SLC6A12: variants seen among roughly 807,000 people sequenced by gnomAD.
SLC6A12 encodes sodium- and chloride-dependent betaine transporter.
A neutral mutation model predicts 73.3 loss-of-function variants in SLC6A12; 50 were observed. The ratio of observed to expected loss-of-function variants is 0.68; its 90% CI spans 0.54 to 0.86. The LOEUF (loss-of-function observed/expected upper bound fraction) is 0.86. Among genes scored for constraint, SLC6A12 ranks in the 40% least tolerant of loss-of-function variants. The pLI is 0.00. For missense variants in SLC6A12, 648 were observed against 772.8 expected, an observed-to-expected ratio of 0.84 and a Z score of 1.92; for synonymous variants, 304 against 309.2, an observed-to-expected ratio of 0.98 and a Z score of 0.18.
At chr12:191,360 T>A in intron 15 of SLC6A12, 149 bp from the exon 16 acceptor site, 1 of 610,794 alleles carries the variant, frequency 1.6e-6, no homozygotes, top group Non-Finnish European at 2.4e-6. Flanking sequence ...CCGTTTGAGG[T>A]GAGAAGGGAG....
At chr12:203,364 T>C (rs1015447906) in intron 4 of SLC6A12, 1 of 152,558 alleles carries the variant, frequency 6.6e-6, no homozygotes, top group African/African-American at 2.4e-5. Flanking sequence ...ACTGTGGACC[T>C]TTCAGAACAG....
At chr12:200,939 C>T (rs1359270815) in intron 6 of SLC6A12, among the ~76,000 whole-genome samples, 156 bp from the exon 7 acceptor site, 1 of 152,326 alleles carries the variant, frequency 6.6e-6, no homozygotes, top group East Asian at 1.9e-4. Flanking sequence ...GCCATGTTCC[C>T]GTAGACCAAA....
downstream of SLC6A12, among the ~76,000 whole-genome samples, chr12:186,054 T>G (rs1484681951): frequency 6.6e-6 from 1 of 152,018 alleles, no homozygotes; most frequent in Non-Finnish European, 1.5e-5. Flanking sequence ...AAGGACAGGG[T>G]GAGCCCAGGG....
chr12:197,950 C>T lies in SLC6A12; in HGVS notation c.900G>A (p.Gly300=), dbSNP rs748775870. ...TGTAGCTGCCCAGGGCTGTCAGGCA[C>T]CCCTGGCAGATGGCAAAGGAGAAGA... ...QIFFSFAICQ[G]CLTALGSYNK... is the part of the protein sequence containing the mutation. Residue 300 remains glycine, a synonymous_variant, in exon 9 of 16, where the codon GGG becomes GGA. Coordinates refer to ENST00000684302, the MANE Select transcript of SLC6A12 (RefSeq NM_001122848.3). 20 of 1,613,418 alleles carry T rather than the reference C, an allele frequency of 1.2e-5. No individual in the cohort carries two copies. In the South Asian group the frequency reaches 2.0e-4, roughly 16 times the overall value.
chr12:193,278 A>C lies in SLC6A12; in HGVS notation c.1529T>G (p.Leu510Arg). ...SWLFLTPGLC[L>R]ATFLFSLSKY... ...GAGGGGCAGCTGGTGGGCACATACC[A>C]GGCAAAGTCCAGGGGTCAGGAAGAG... is the stretch of plus-strand genomic sequence containing the variant. The change falls in exon 14 of 16, where the codon CTG becomes CGG. Residue 510 changes from leucine (L) to arginine (R), a missense_variant and splice_region_variant. Coordinates refer to ENST00000684302, the MANE Select transcript of SLC6A12 (RefSeq NM_001122848.3). The C allele has an allele frequency of 6.2e-7, 1 of 1,610,494 alleles. No homozygotes were observed. The highest frequency in any genetic ancestry group is 8.5e-7 in the Non-Finnish European group (1 of 1,176,738).
rs189816529 is a variant in SLC6A12, at chr12:200,227, G to C, written c.711+424C>G. ...GGGTTCACGCCATTCTCCTGCCTCA[G>C]CCTCCTGCATAGCTGGGACTACAGG... On this transcript the variant is annotated intron_variant, in intron 7 of 15. Coordinates refer to ENST00000684302, the MANE Select transcript of SLC6A12 (RefSeq NM_001122848.3). Among the ~76,000 whole-genome samples, 75 of 148,362 alleles carry C rather than the reference G, an allele frequency of 5.1e-4. No individual in the cohort carries two copies. The East Asian group carries it at 0.015, about 29-fold the overall frequency.
rs773911998 is a variant in SLC6A12 at position 209,756 on chromosome 12, C to T, written c.214+17G>A. On this transcript the variant is annotated intron_variant, in intron 3 of 15. Transcript: ENST00000684302. ...CACACAGCTCTCCCCACCATGCCTA[C>T]CTCAAAGTGAACTCACCACCTCCGT... is the stretch of plus-strand genomic sequence containing the variant. 2 of 1,614,170 alleles carry T rather than the reference C, an allele frequency of 1.2e-6. No homozygotes were observed. Among genetic ancestry groups the T allele is most frequent in the Non-Finnish European group, 1.7e-6 (2 of 1,180,008 alleles).
At position 192,525 on chromosome 12, in the gene SLC6A12, G is replaced by A; in HGVS notation, c.1654C>T (p.Leu552Phe). Residue 552 changes from leucine to phenylalanine, a missense_variant, in exon 15 of 16, where the codon CTC becomes TTC. Leu to Phe is a conservative substitution (Grantham distance 22). Transcript: ENST00000684302. ...LALSSMVCVP[L>F]FVVITLLKTR... is the part of the protein sequence containing the mutation. The stretch of plus-strand genomic sequence containing the variant: ...TTCAGGAGGGTGATGACGACGAAGA[G>A]TGGGACACAGACCATGGAGGACAGA... 1 of 1,614,142 alleles carries A rather than the reference G, an allele frequency of 6.2e-7. No individual in the cohort carries two copies. The highest frequency in any genetic ancestry group is 2.2e-5 in the East Asian group (1 of 44,872).
At chr12:184,475 A>C in the SLC6A12 span, among the ~76,000 whole-genome samples, 6 of 152,086 alleles carry the variant, frequency 3.9e-5, 1 homozygote. Flanking sequence ...AAACACAAAA[A>C]TTCGGTGGTT....
In SLC6A12 at chr12:197,391, T is replaced by C. The variant is rs1939975610; in HGVS notation, c.1061A>G (p.Glu354Gly). 4.3e-6 allele frequency: 7 copies of C among 1,613,378 alleles called. No homozygotes were observed. Among genetic ancestry groups the C allele is most frequent in the Non-Finnish European group, 5.9e-6 (7 of 1,179,662 alleles). ...MSQEQGVPIS[E>G]VAESGPGLAF... ...GTGGCACCTACCTGACTCGGCCACT[T>C]CAGAAATGGGCACCCCTTGCTCTTG... is the stretch of plus-strand genomic sequence containing the variant. Residue 354 changes from glutamate to glycine, a missense_variant, in exon 10 of 16, where the codon GAA becomes GGA. Coordinates refer to ENST00000684302, the MANE Select transcript of SLC6A12 (RefSeq NM_001122848.3).
At chr12:212,341 G>A (rs960289731) in intron 1 of SLC6A12, among the ~76,000 whole-genome samples, 3 of 152,198 alleles carry the variant, frequency 2.0e-5, no homozygotes, top group African/African-American at 7.2e-5. Context: ...CAAGGGCTGG[G>A]AGAGTGGAGG....
In SLC6A12 at chr12:198,686, TG is replaced by T; in HGVS notation, c.846+110del. Reference sequence around the variant, plus strand: ...TCCATATTTTCTAATTTATCTCCAGTGGGCATTTATTGCTTTTAAACCAAGG... The same window carrying T: ...TCCATATTTTCTAATTTATCTCCAGTGGCATTTATTGCTTTTAAACCAAGG... On this transcript the variant is annotated intron_variant, in intron 8 of 15. Coordinates refer to ENST00000684302, the MANE Select transcript of SLC6A12 (RefSeq NM_001122848.3). This position sits in a 1 kb window ranked among gnomAD's most constrained non-coding sequence, Gnocchi z 4.0. 1 of 816,098 alleles carries T rather than the reference TG, an allele frequency of 1.2e-6. No individual in the cohort carries two copies. Among genetic ancestry groups the T allele is most frequent in the Non-Finnish European group, 1.9e-6 (1 of 526,624 alleles). 50.6% of individuals were successfully genotyped at this position (816,098 alleles called of 1,614,324 possible). A position where few individuals can be genotyped will look rare whatever the true frequency, so the allele number is the denominator to read the frequency against.
intron 6 of SLC6A12, 149 bp from the exon 7 acceptor site, chr12:200,932 A>T (rs1243890803): frequency 2.8e-6 from 2 of 722,298 alleles, no homozygotes; most frequent in African/African-American, 3.6e-5. Context: ...CAGTCAGGCC[A>T]TGTTCCCGTA....
intron 11 of SLC6A12, 88 bp from the exon 12 acceptor site, chr12:196,349 C>A: frequency 2.0e-6 from 3 of 1,466,948 alleles, no homozygotes; most frequent in Non-Finnish European, 2.8e-6. Flanking sequence ...GGCTCATCCA[C>A]ACTGATGCAC....
At chr12:187,579 T>TGCAAAAGA (rs1464785564), downstream of SLC6A12, among the ~76,000 whole-genome samples, 687 of 92,882 alleles carry the variant, frequency 7.4e-3, 26 homozygotes, top group African/African-American at 0.03. Context: ...CAAGATTTAC[T>TGCAAAAGA]GCAAAAGAGC....
intron 6 of SLC6A12, 75 bp downstream of exon 6, chr12:201,687 C>G: frequency 8.4e-7 from 1 of 1,196,394 alleles, no homozygotes; most frequent in Admixed American, 1.7e-5. Context: ...AAACTTGCAC[C>G]CCAGACATTC....
intron 2 of SLC6A12, among the ~76,000 whole-genome samples, chr12:210,869 C>T (rs1357716280): frequency 2.0e-5 from 3 of 152,160 alleles, no homozygotes; most frequent in Non-Finnish European, 4.4e-5. Context: ...TCTCCCTGCC[C>T]TCCTAGAGAG....
In SLC6A12 at chr12:209,936, C is replaced by A. The variant is rs1940834639; in HGVS notation, c.51G>T (p.Trp17Cys). Residue 17 changes from tryptophan to cysteine, a missense_variant, in exon 3 of 16, where the codon TGG (tryptophan) becomes TGT (cysteine). Trp to Cys is a radical substitution (Grantham distance 215). Transcript: ENST00000684302. ...VQECGPPAVS[W>C]VPEEGEKLDQ... ...CCAACTTCTCTCCCTCCTCGGGGAC[C>A]CAGGAGACTGCAGGAGGCCCACACT... 6.2e-7 allele frequency: 1 copy of A among 1,614,060 alleles called. No individual in the cohort carries two copies. Among genetic ancestry groups the A allele is most frequent in the African/African-American group, 1.3e-5 (1 of 74,918 alleles).
At chr12:200,392 G>A (rs948824869) in intron 7 of SLC6A12, among the ~76,000 whole-genome samples, 10 of 152,188 alleles carry the variant, frequency 6.6e-5, no homozygotes, top group South Asian at 2.1e-4. Flanking sequence ...ACAGGCGTGA[G>A]CCACTGCACC....
Sources: gnomAD v4.1 joint callset for allele counts (sites outside exome capture counted in the v4.1 genomes callset) on GRCh38, gnomAD v4.1.1 for gene constraint, Gnocchi (gnomAD v3.1) non-coding constraint, MANE v1.5 for transcripts, NCBI Gene and HGNC (gene_info 2026-07-23, HGNC 2026-07-21) for gene names.